Variants in PLCH2 observed in about 807,000 individuals in gnomAD.
The protein encoded by PLCH2 is 1-phosphatidylinositol 4,5-bisphosphate phosphodiesterase eta-2.
Under a neutral mutation model 134.7 loss-of-function variants are expected in PLCH2, and 98 were observed. The observed-to-expected ratio is 0.73, with a 90% CI of 0.62 to 0.86. The LOEUF (loss-of-function observed/expected upper bound fraction) is 0.86, where lower values mean the gene tolerates loss of function less well. Ranked by LOEUF, PLCH2 falls within the 40% of genes least tolerant of loss-of-function variation. The pLI is 0.00. For synonymous variants in PLCH2, 974 were observed against 827.5 expected (o/e 1.18, Z -3.04); for missense variants, 1,994 against 1,986.6 (o/e 1.00, Z -0.07).
At chr1:2,418,848 C>T in the PLCH2 span, among the ~76,000 whole-genome samples, 1 of 152,232 alleles carries the variant, frequency 6.6e-6, no homozygotes, top group Admixed American at 6.5e-5. Context: ...GCTGATCTCC[C>T]AGTGCCCAGT....
At position 2,494,917 on chromosome 1, in the gene PLCH2, G is replaced by A. The variant is rs376637097; in HGVS notation, c.1721G>A (p.Arg574His). ...EDAGASRRNG[R>H]LVVGSFSRRK... ...GCCGGGGCCAGCAGACGCAATGGCC[G>A]CCTCGTCGTGGGAAGCTTCTCCAGG... is the stretch of plus-strand genomic sequence containing the variant. Residue 574 changes from arginine to histidine, a missense_variant, in exon 12 of 22, where the codon CGC (arginine) becomes CAC (histidine). Physicochemically the swap from Arg to His is conservative, Grantham distance 29. This residue lies in a region of PLCH2 where 1,094 missense variants were observed against 1,234.3 expected (regional missense o/e 0.89). Transcript: ENST00000378486. 14 of 1,601,142 alleles carry A rather than the reference G, an allele frequency of 8.7e-6. No homozygotes were observed. The highest frequency in any genetic ancestry group is 4.0e-5 in the African/African-American group (3 of 74,794).
intron 12 of PLCH2, 135 bp downstream of exon 12, chr1:2,495,083 C>T (rs988353051): frequency 1.2e-5 from 8 of 656,546 alleles, no homozygotes; most frequent in Non-Finnish European, 2.1e-5. Context: ...CTGCCCCAGC[C>T]AGAGCAGATG....
intron 2 of PLCH2, among the ~76,000 whole-genome samples, chr1:2,450,713 G>C (rs551493161): frequency 1.2e-4 from 2 of 16,830 alleles, no homozygotes; most frequent in Admixed American, 8.0e-4. Context: ...CTCCCCGCCT[G>C]CCCCCCGCTC....
rs765348166 is a variant in PLCH2, at chr1:2,499,669, G to A, written c.2610G>A (p.Met870Ile). The change falls in exon 20 of 22, where the codon ATG (methionine) becomes ATA (isoleucine). Residue 870 changes from methionine (M) to isoleucine (I), a missense_variant. Met to Ile is a conservative substitution (Grantham distance 10). Coordinates refer to ENST00000378486, the MANE Select transcript of PLCH2 (RefSeq NM_014638.4). ...PGYRHVYLEGMEEASIFVHVA... is the reference protein window; with the variant it reads ...PGYRHVYLEGIEEASIFVHVA... Reference sequence around the variant, plus strand: ...ACAGACACGTGTACCTAGAAGGGATGGAAGAGGCCTCCATCTTCGTGCATG... The same window carrying A: ...ACAGACACGTGTACCTAGAAGGGATAGAAGAGGCCTCCATCTTCGTGCATG... The A allele has an allele frequency of 1.6e-5, 25 of 1,601,938 alleles. No homozygotes were observed. In the East Asian group the frequency reaches 4.5e-4, roughly 29 times the overall value.
At chr1:2,489,554 G>A (rs1239788588) in intron 9 of PLCH2, among the ~76,000 whole-genome samples, 176 bp downstream of exon 9, 2 of 152,226 alleles carry the variant, frequency 1.3e-5, no homozygotes, top group Non-Finnish European at 2.9e-5. Context: ...TCTGGCTCAG[G>A]CCCCTCATGC....
At chr1:2,436,784 C>T (rs35845624) in intron 2 of PLCH2, among the ~76,000 whole-genome samples, 2,291 of 152,300 alleles carry the variant, frequency 0.015, 24 homozygotes, top group Non-Finnish European at 0.017. Context: ...GCAGCCTTGT[C>T]GTGGGCACTG....
At chr1:2,474,308 TGTCTGCCTGA>T (rs1641499187), upstream of PLCH2, among the ~76,000 whole-genome samples, 1 of 152,174 alleles carries the variant, frequency 6.6e-6, no homozygotes, top group East Asian at 1.9e-4. Context: ...TGCGGTTCTG[TGTCTGCCTGA>T]GTTTTGGAGG....
intron 20 of PLCH2, chr1:2,500,653 G>A (rs1490343653): frequency 6.6e-6 from 1 of 152,298 alleles, no homozygotes; most frequent in Non-Finnish European, 1.5e-5. Flanking sequence ...AGCATTTGGA[G>A]ACTGTCGCTC....
intron 2 of PLCH2, among the ~76,000 whole-genome samples, chr1:2,461,330 C>T (rs993222802): frequency 6.6e-6 from 1 of 152,162 alleles, no homozygotes; most frequent in Non-Finnish European, 1.5e-5. Flanking sequence ...TGGCCAGGGC[C>T]CTTCTGGTGG....
At chr1:2,468,077 G>C (rs1212171569) in intron 1 of PLCH2, among the ~76,000 whole-genome samples, 1 of 152,210 alleles carries the variant, frequency 6.6e-6, no homozygotes, top group East Asian at 1.9e-4. Flanking sequence ...CTCGGGTGGG[G>C]GGCAGGTCTG....
intron 1 of PLCH2, among the ~76,000 whole-genome samples, chr1:2,428,960 T>G (rs2100476957): frequency 6.6e-6 from 1 of 151,442 alleles, no homozygotes; most frequent in Admixed American, 6.6e-5. Flanking sequence ...GGGTGGGTGG[T>G]GGCCCAATGC....
chr1:2,424,575 G>A (rs1418483036), upstream of PLCH2, among the ~76,000 whole-genome samples: 2 of 152,204 alleles, frequency 1.3e-5, no homozygotes, highest in Non-Finnish European at 2.9e-5. Context: ...CTGAGGCCAG[G>A]TGCGGTGGCT....
chr1:2,446,491 G>A (rs1157408092), intron 2 of PLCH2, among the ~76,000 whole-genome samples: 1 of 152,202 alleles, frequency 6.6e-6, no homozygotes, highest in African/African-American at 2.4e-5. Flanking sequence ...CCAGCTGCAG[G>A]GGTCCCAGGA....
intron 1 of PLCH2, among the ~76,000 whole-genome samples, chr1:2,429,002 G>T (rs770222854): frequency 9.1e-4 from 139 of 152,268 alleles, no homozygotes; most frequent in Non-Finnish European, 1.8e-3. Flanking sequence ...GGCCAGGGCT[G>T]CCAGAGGTGC....
chr1:2,495,605 C>T (rs369459143), intron 13 of PLCH2, 35 bp downstream of exon 13: 10 of 1,464,100 alleles, frequency 6.8e-6, no homozygotes, highest in Non-Finnish European at 9.2e-6. Context: ...GCCCCGCACA[C>T]TCCTGGGAGC....
Position 2,504,971 on chromosome 1 carries a change from C to T in PLCH2, c.4009C>T (p.Arg1337Cys), listed in dbSNP as rs759734170. 78 of 1,551,442 alleles carry T rather than the reference C, an allele frequency of 5.0e-5. No individual in the cohort carries two copies. The African/African-American group carries it at 5.4e-4, about 11-fold the overall frequency. Reference sequence around the variant, plus strand: ...GGCAGGGGGCCCTGGTTTTGTGCGGCGCTCCTCCTCCCGCAGCCACAGCCG... The same window carrying T: ...GGCAGGGGGCCCTGGTTTTGTGCGGTGCTCCTCCTCCCGCAGCCACAGCCG... ...GVAGGPGFVR[R>C]SSSRSHSRVR... The change falls in exon 22 of 22, where the codon CGC becomes TGC. Residue 1337 changes from arginine to cysteine, a missense_variant. By Grantham distance (180) the Arg-to-Cys change is radical. This residue lies in a region of PLCH2 where 900 missense variants were observed against 752.3 expected (regional missense o/e 1.20). Transcript: ENST00000378486.
At chr1:2,433,947 G>A (rs1405421401) in intron 2 of PLCH2, among the ~76,000 whole-genome samples, 1 of 151,908 alleles carries the variant, frequency 6.6e-6, no homozygotes, top group African/African-American at 2.4e-5. Flanking sequence ...CCGGCTTTGA[G>A]TGTCTGCCTC....
chr1:2,494,091 C>T (rs1246379313), intron 11 of PLCH2, among the ~76,000 whole-genome samples: 1 of 152,130 alleles, frequency 6.6e-6, no homozygotes, highest in African/African-American at 2.4e-5. Context: ...AAAGTAGCCC[C>T]CACCCTTGGT....
intron 11 of PLCH2, 71 bp downstream of exon 11, chr1:2,491,406 G>C (rs1310080631): frequency 6.5e-6 from 10 of 1,543,776 alleles, no homozygotes; most frequent in Non-Finnish European, 7.9e-6. Flanking sequence ...GGCCAGCCAG[G>C]GCCCCCGAAC....
Sources: allele counts gnomAD v4.1 joint callset (sites outside exome capture counted in the v4.1 genomes callset), GRCh38; gene constraint gnomAD v4.1.1; regional missense constraint gnomAD v4.1.1; transcripts MANE v1.5; gene names NCBI Gene and HGNC (gene_info 2026-07-23, HGNC 2026-07-21).